The following GFRA2 variants were observed in gnomAD, a reference collection of about 807,000 sequenced individuals.
GFRA2 encodes the protein GDNF family receptor alpha 2, also known as GDNF family receptor alpha-2.
A neutral mutation model predicts 48.3 loss-of-function variants in GFRA2; 17 were observed. The observed-to-expected ratio is 0.35, with a 90% CI of 0.24 to 0.53. GFRA2 has a LOEUF of 0.53. Ranked by LOEUF, GFRA2 falls within the 20% of genes least tolerant of loss-of-function variation. GFRA2 has a pLI of 0.93. For missense variants in GFRA2, 660 were observed against 637.3 expected (o/e 1.04, Z -0.38); for synonymous variants, 305 against 257.2 (o/e 1.19, Z -1.78).
At chr8:21,727,822 A>T (rs1158057259) in intron 4 of GFRA2, among the ~76,000 whole-genome samples, 1 of 152,198 alleles carries the variant, frequency 6.6e-6, no homozygotes, top group Non-Finnish European at 1.5e-5. Context: ...GGATTCACGG[A>T]AAATACTTTG....
rs139856359 is a variant in GFRA2 at position 21,731,013 on chromosome 8, C to G, written c.794+19575G>C. On this transcript the variant is annotated intron_variant, in intron 4 of 8. Coordinates refer to ENST00000524240, the MANE Select transcript of GFRA2 (RefSeq NM_001495.5). Reference sequence around the variant, plus strand: ...TTCTGGCCCCGGGCTCCTTCCCTTCCTCGTGTTGCGGACACTAACTCGGCT... The same window carrying G: ...TTCTGGCCCCGGGCTCCTTCCCTTCGTCGTGTTGCGGACACTAACTCGGCT... Among the ~76,000 whole-genome samples the G allele has an allele frequency of 8.4e-3, 1,272 of 152,214 alleles. 10 individuals carry two copies. Among genetic ancestry groups the G allele is most frequent in the African/African-American group, 0.03 (1,232 of 41,526 alleles).
chr8:21,786,735 G>T (rs1187616204), intron 1 of GFRA2, among the ~76,000 whole-genome samples: 1 of 152,202 alleles, frequency 6.6e-6, no homozygotes, highest in Admixed American at 6.5e-5. Context: ...GGGACAGGCA[G>T]AGAGTCCAGA....
intron 4 of GFRA2, among the ~76,000 whole-genome samples, chr8:21,726,676 G>A (rs528584490): frequency 6.6e-5 from 10 of 152,052 alleles, no homozygotes; most frequent in African/African-American, 2.4e-4. Flanking sequence ...TGTCTTATAA[G>A]GACACTGGCC....
At chr8:21,788,935 C>T (rs1237591642), upstream of GFRA2, 2 of 386,506 alleles carry the variant, frequency 5.2e-6, no homozygotes, top group Non-Finnish European at 7.1e-6. Context: ...CTCCGCCCGC[C>T]CCCTTCTCCC....
chr8:21,734,654 C>T (rs946410855), intron 4 of GFRA2, among the ~76,000 whole-genome samples: 1 of 152,214 alleles, frequency 6.6e-6, no homozygotes, highest in Non-Finnish European at 1.5e-5. Flanking sequence ...GAAGCTGCCT[C>T]GAAGAACAGG....
In GFRA2 at chr8:21,703,593, C is replaced by T. The variant is rs971964330; in HGVS notation, c.1046-616G>A. Among the ~76,000 whole-genome samples, 8 of 152,326 alleles carry T rather than the reference C, an allele frequency of 5.3e-5. No homozygotes were observed. The East Asian group carries it at 1.5e-3, about 29-fold the overall frequency. ...CCTGGGCTAGGCGTCTCCTCCTACC[C>T]TTGTCAACGCTCCTTTCCCTTTGAT... On this transcript the variant is annotated intron_variant, in intron 6 of 8. Coordinates refer to ENST00000524240, the MANE Select transcript of GFRA2 (RefSeq NM_001495.5).
intron 4 of GFRA2, among the ~76,000 whole-genome samples, chr8:21,747,180 G>A (rs1302602410): frequency 6.6e-6 from 1 of 152,214 alleles, no homozygotes; most frequent in Non-Finnish European, 1.5e-5. Flanking sequence ...CCACGCAGCT[G>A]TGTAGGATGC....
At chr8:21,728,415 C>T (rs192208853) in intron 4 of GFRA2, among the ~76,000 whole-genome samples, 356 of 152,006 alleles carry the variant, frequency 2.3e-3, no homozygotes, top group African/African-American at 8.3e-3. Context: ...GCTGGAATTA[C>T]AGGCACATAC....
At chr8:21,810,744 G>A (rs1207043019) in intron 1 of GFRA2, among the ~76,000 whole-genome samples, 6 of 152,174 alleles carry the variant, frequency 3.9e-5, no homozygotes, top group Non-Finnish European at 5.9e-5. Flanking sequence ...AAAGGAGTTG[G>A]TGCAGGCTTC....
Position 21,706,077 on chromosome 8 carries a change from G to A in GFRA2, c.795-36C>T, listed in dbSNP as rs755451167. ...GTAGAAGACGCAATAGAGAAAACAG[G>A]GGTTCAGTCTAGCTGCCTTCTGTCT... is the stretch of plus-strand genomic sequence containing the variant. On this transcript the variant is annotated intron_variant, in intron 4 of 8. Coordinates refer to ENST00000524240, the MANE Select transcript of GFRA2 (RefSeq NM_001495.5). 4 of 1,364,460 alleles carry A rather than the reference G, an allele frequency of 2.9e-6. No homozygotes were observed. In the South Asian group the frequency reaches 5.0e-5, roughly 17 times the overall value. The allele number at this position is 1,364,460 out of a possible 1,614,324, so 84.5% of individuals were successfully genotyped here. A position where few individuals can be genotyped will look rare whatever the true frequency, so the allele number is the denominator to read the frequency against.
At chr8:21,810,738 G>A (rs1807962461) in intron 1 of GFRA2, among the ~76,000 whole-genome samples, 1 of 152,196 alleles carries the variant, frequency 6.6e-6, no homozygotes. Flanking sequence ...GAAAAAAAAG[G>A]AGTTGGTGCA....
chr8:21,784,267 A>G, intron 1 of GFRA2: 1 of 456,114 alleles, frequency 2.2e-6, no homozygotes, highest in Non-Finnish European at 4.4e-6. Context: ...CTGTCCTCTG[A>G]TAAGCCCCTA....
intron 1 of GFRA2, among the ~76,000 whole-genome samples, chr8:21,785,325 C>T (rs1807218691): frequency 6.6e-6 from 1 of 152,222 alleles, no homozygotes; most frequent in South Asian, 2.1e-4. Context: ...AGGCAACAGA[C>T]ACACTCTGCG....
In GFRA2 at chr8:21,701,862, G is replaced by T. The variant is rs553529707; in HGVS notation, c.1218+943C>A. On this transcript the variant is annotated intron_variant, in intron 7 of 8. Coordinates refer to ENST00000524240, the MANE Select transcript of GFRA2 (RefSeq NM_001495.5). ...GAATCATCAGAGCTGATGGTGAAGGGGGCTGGGTGGGGTTCCCAAAGCCAC... is the reference window on the plus strand; with the variant it reads ...GAATCATCAGAGCTGATGGTGAAGGTGGCTGGGTGGGGTTCCCAAAGCCAC... Among the ~76,000 whole-genome samples the T allele has an allele frequency of 3.3e-5, 5 of 152,290 alleles. No homozygotes were observed. In the South Asian group the frequency reaches 1.0e-3, roughly 32 times the overall value.
At chr8:21,790,227 C>T (rs1807529682), upstream of GFRA2, 1 of 271,738 alleles carries the variant, frequency 3.7e-6, no homozygotes, top group Non-Finnish European at 5.6e-6. Context: ...CTCACACCCA[C>T]GCAGCCCGGC....
chr8:21,693,435 G>C, intron 8 of GFRA2, 35 bp from the exon 9 acceptor site: 1 of 1,576,898 alleles, frequency 6.3e-7, no homozygotes, highest in Non-Finnish European at 8.6e-7. Context: ...CAGGAACAAA[G>C]AGAATGAAAA....
At chr8:21,803,192 G>A (rs1807802739) in intron 2 of GFRA2, among the ~76,000 whole-genome samples, 1 of 152,194 alleles carries the variant, frequency 6.6e-6, no homozygotes, top group African/African-American at 2.4e-5. Flanking sequence ...TCATCCTGCA[G>A]CTGCTACACC....
Position 21,705,045 on chromosome 8 carries a change from C to T in GFRA2, c.985G>A (p.Gly329Arg), listed in dbSNP as rs750250626. The change falls in exon 6 of 9, where the codon GGG becomes AGG. Residue 329 changes from glycine (G) to arginine (R), a missense_variant. Coordinates refer to ENST00000524240, the MANE Select transcript of GFRA2 (RefSeq NM_001495.5). ...VSPWCSCRGSGNMEEECEKFL... is the reference protein window; with the variant it reads ...VSPWCSCRGSRNMEEECEKFL... ...TTCTCACACTCCTCCTCCATGTTCCCGCTGCCACGACAGCTGCACCAGGGG... is the reference window on the plus strand; with the variant it reads ...TTCTCACACTCCTCCTCCATGTTCCTGCTGCCACGACAGCTGCACCAGGGG... The T allele has an allele frequency of 6.2e-6, 10 of 1,610,734 alleles. No homozygotes were observed. The highest frequency in any genetic ancestry group is 1.7e-4 in the Middle Eastern group (1 of 5,728).
intron 1 of GFRA2, among the ~76,000 whole-genome samples, chr8:21,807,526 GC>G (rs1807895144): frequency 6.6e-6 from 1 of 152,198 alleles, no homozygotes; most frequent in Non-Finnish European, 1.5e-5. Context: ...TAGCTTAAAT[GC>G]AGAAATTTAC....
Sources: gnomAD v4.1 joint callset for allele counts (sites outside exome capture counted in the v4.1 genomes callset) on GRCh38, gnomAD v4.1.1 for gene constraint, MANE v1.5 for transcripts, NCBI Gene and HGNC (gene_info 2026-07-23, HGNC 2026-07-21) for gene names.